Variants in CSMD1 observed in about 807,000 individuals in gnomAD.
CSMD1 encodes CUB and sushi domain-containing protein 1.
In CSMD1, 213 loss-of-function variants were observed where a neutral mutation model predicts 417.5. That is an observed-to-expected ratio of 0.51 (90% CI 0.46 to 0.57). The LOEUF is 0.57. Ranked by LOEUF, CSMD1 falls within the 20% of genes least tolerant of loss-of-function variation. The pLI is 0.00. For synonymous variants in CSMD1, 2,862 were observed against 1,736.8 expected, an observed-to-expected ratio of 1.65 and a Z score of -16.11; for missense variants, 6,923 against 4,529.7, an observed-to-expected ratio of 1.53 and a Z score of -15.17.
chr8:3,804,094 T>G (rs1429843211), intron 5 of CSMD1, among the ~76,000 whole-genome samples: 2 of 151,938 alleles, frequency 1.3e-5, no homozygotes, highest in East Asian at 2.0e-4. Context: ...ATCCAGCTAT[T>G]TTTTTTGTTA....
intron 9 of CSMD1, among the ~76,000 whole-genome samples, chr8:3,583,516 T>C (rs879402106): frequency 1.3e-5 from 2 of 152,036 alleles, no homozygotes; most frequent in African/African-American, 4.8e-5. Context: ...AAGCAGGGTG[T>C]TCAGCGACAA....
In CSMD1 at chr8:3,450,135, G is replaced by A. The variant is rs187736538; in HGVS notation, c.1561+18577C>T. Among the ~76,000 whole-genome samples, 45 of 152,218 alleles carry A rather than the reference G, an allele frequency of 3.0e-4. No individual in the cohort carries two copies. In the East Asian group the frequency reaches 6.2e-3, roughly 21 times the overall value. Reference sequence around the variant, plus strand: ...GTATGTGTCCTGCACATCAGGATTTGCTTCGATGACGAACGTTGACTGTGG... The same window carrying A: ...GTATGTGTCCTGCACATCAGGATTTACTTCGATGACGAACGTTGACTGTGG... On this transcript the variant is annotated intron_variant, in intron 12 of 69. Coordinates refer to ENST00000635120, the MANE Select transcript of CSMD1 (RefSeq NM_033225.6).
At chr8:3,542,938 T>A (rs1015036416) in intron 10 of CSMD1, among the ~76,000 whole-genome samples, 10 of 150,720 alleles carry the variant, frequency 6.6e-5, no homozygotes, top group African/African-American at 2.2e-4. Context: ...CTCCTGAGAC[T>A]TGGGGGACCC....
intron 25 of CSMD1, among the ~76,000 whole-genome samples, chr8:3,300,413 C>G (rs1034554624): frequency 6.6e-6 from 1 of 151,688 alleles, no homozygotes; most frequent in Non-Finnish European, 1.5e-5. Flanking sequence ...AATAATTAAC[C>G]ATAAACCATG....
intron 10 of CSMD1, among the ~76,000 whole-genome samples, chr8:3,502,141 G>C (rs553668255): frequency 8.7e-4 from 133 of 152,186 alleles, no homozygotes; most frequent in Non-Finnish European, 1.6e-3. Context: ...GAGGCTGGCA[G>C]ATCACGAGGT....
chr8:3,241,033 G>A (rs1200846902), intron 26 of CSMD1, among the ~76,000 whole-genome samples: 1 of 149,358 alleles, frequency 6.7e-6, no homozygotes, highest in African/African-American at 2.5e-5. Flanking sequence ...CACCAAGGAG[G>A]GAGTAGAGGT....
chr8:4,742,600 T>G (rs924760766), intron 1 of CSMD1, among the ~76,000 whole-genome samples: 1 of 152,120 alleles, frequency 6.6e-6, no homozygotes, highest in Non-Finnish European at 1.5e-5. Context: ...TATTTGTAAG[T>G]TGAATTCCTT....
At chr8:4,487,511 C>A (rs990804522) in intron 2 of CSMD1, among the ~76,000 whole-genome samples, 4 of 152,140 alleles carry the variant, frequency 2.6e-5, no homozygotes, top group African/African-American at 7.2e-5. Context: ...TATTTTATGG[C>A]TGCATAGTAT....
chr8:4,756,481 T>C (rs1811675890), intron 1 of CSMD1, among the ~76,000 whole-genome samples: 2 of 152,210 alleles, frequency 1.3e-5, no homozygotes, highest in Admixed American at 6.5e-5. Flanking sequence ...ATAAATTATA[T>C]ATAAATGTAA....
At position 3,544,408 on chromosome 8, in the gene CSMD1, C is replaced by G. The variant is rs1183707566; in HGVS notation, c.1344+30537G>C. 2.0e-5 allele frequency among the ~76,000 whole-genome samples: 3 copies of G among 152,210 alleles called. No individual in the cohort carries two copies. The East Asian group carries it at 5.8e-4, about 30-fold the overall frequency. On this transcript the variant is annotated intron_variant, in intron 10 of 69. Coordinates refer to ENST00000635120, the MANE Select transcript of CSMD1 (RefSeq NM_033225.6). ...TTTTTTCATCCTATATACGAACAAG[C>G]ATTTTACCTGGGATGGAGGCGTTCT... is the stretch of plus-strand genomic sequence containing the variant.
chr8:3,400,355 A>G (rs1399391690), intron 15 of CSMD1, among the ~76,000 whole-genome samples: 1 of 152,108 alleles, frequency 6.6e-6, no homozygotes, highest in African/African-American at 2.4e-5. Context: ...ACGTGAAAAT[A>G]CTCCAAGGTG....
At chr8:4,010,601 C>T (rs1473665862) in intron 4 of CSMD1, among the ~76,000 whole-genome samples, 1 of 151,704 alleles carries the variant, frequency 6.6e-6, no homozygotes, top group African/African-American at 2.4e-5. Context: ...ACATTCTGAG[C>T]CCAACTCTCC....
chr8:3,238,296 A>G (rs887636743), intron 26 of CSMD1, among the ~76,000 whole-genome samples: 12 of 152,054 alleles, frequency 7.9e-5, no homozygotes, highest in African/African-American at 2.9e-4. Context: ...GGCCATTTTC[A>G]CTTCTTTTGT....
chr8:4,643,167 T>C (rs551620331), intron 1 of CSMD1, among the ~76,000 whole-genome samples: 1 of 152,360 alleles, frequency 6.6e-6, no homozygotes, highest in Non-Finnish European at 1.5e-5. Flanking sequence ...TTTGTGGTTT[T>C]TATCCCGTTT....
At chr8:3,309,752 C>T (rs1805182312) in intron 23 of CSMD1, among the ~76,000 whole-genome samples, 1 of 152,176 alleles carries the variant, frequency 6.6e-6, no homozygotes. Context: ...GCTACATCCT[C>T]CTGTCAATGT....
At chr8:4,059,726 T>G (rs964500367) in intron 3 of CSMD1, among the ~76,000 whole-genome samples, 1 of 151,994 alleles carries the variant, frequency 6.6e-6, no homozygotes, top group Non-Finnish European at 1.5e-5. Context: ...ACCTACACTC[T>G]CCCAAGACTA....
At chr8:4,674,795 A>C (rs1805571364) in intron 1 of CSMD1, among the ~76,000 whole-genome samples, 1 of 152,170 alleles carries the variant, frequency 6.6e-6, no homozygotes, top group African/African-American at 2.4e-5. Context: ...TCCCCCTCCA[A>C]AATTCATGTG....
At chr8:3,482,470 G>A (rs1348900311) in intron 11 of CSMD1, among the ~76,000 whole-genome samples, 1 of 152,290 alleles carries the variant, frequency 6.6e-6, no homozygotes, top group East Asian at 1.9e-4. Flanking sequence ...CCAGAAATAT[G>A]TAACACTCCT....
intron 3 of CSMD1, among the ~76,000 whole-genome samples, chr8:4,072,242 T>A (rs539980685): frequency 6.6e-6 from 1 of 152,310 alleles, no homozygotes; most frequent in Admixed American, 6.5e-5. Flanking sequence ...TGAAGAAGGG[T>A]TGAATCCCAT....
Sources: gnomAD v4.1 joint callset for allele counts (sites outside exome capture counted in the v4.1 genomes callset) on GRCh38, gnomAD v4.1.1 for gene constraint, MANE v1.5 for transcripts, NCBI Gene and HGNC (gene_info 2026-07-23, HGNC 2026-07-21) for gene names.